R3HCC1L: variants seen among roughly 807,000 people sequenced by gnomAD.
R3HCC1L encodes the protein R3H domain and coiled-coil containing 1 like, also known as coiled-coil domain-containing protein R3HCC1L.
Under a neutral mutation model 59.9 loss-of-function variants are expected in R3HCC1L, and 51 were observed. The ratio of observed to expected loss-of-function variants is 0.85; its 90% confidence interval spans 0.68 to 1.07. R3HCC1L has a LOEUF of 1.07. Ranked by LOEUF, R3HCC1L falls within the 50% of genes least tolerant of loss-of-function variation. The pLI, the probability that R3HCC1L is intolerant of heterozygous loss-of-function variation, is 0.00. For synonymous variants in R3HCC1L, 322 were observed against 315.2 expected (o/e 1.02, Z -0.23); for missense variants, 965 against 933.0 (o/e 1.03, Z -0.45).
At chr10:98,225,781 T>G (rs931086325) in intron 5 of R3HCC1L, among the ~76,000 whole-genome samples, 2 of 152,198 alleles carry the variant, frequency 1.3e-5, no homozygotes, top group Non-Finnish European at 2.9e-5. Context: ...GCTGACTAGA[T>G]TAGAGCAAAG....
intron 1 of R3HCC1L, among the ~76,000 whole-genome samples, chr10:98,149,338 G>T (rs1448279794): frequency 6.6e-6 from 1 of 151,926 alleles, no homozygotes. Flanking sequence ...GTTTTCCGTA[G>T]TCTAAATTCT....
intron 2 of R3HCC1L, among the ~76,000 whole-genome samples, chr10:98,160,213 T>C (rs1847269309): frequency 6.6e-6 from 1 of 152,228 alleles, no homozygotes; most frequent in African/African-American, 2.4e-5. Context: ...TAGAATTCAA[T>C]GTTTGTTTAT....
chr10:98,236,221 G>A lies in R3HCC1L; in HGVS notation c.2269+57G>A, dbSNP rs532345469. ...CCCTTCAGAACTCACTGTAAGGCAT[G>A]TGTTTAAAAAAAAATGAATGAAGCC... On this transcript the variant is annotated intron_variant, in intron 9 of 9. Transcript: ENST00000298999. The A allele has an allele frequency of 3.0e-5, 47 of 1,575,908 alleles. No homozygotes were observed. In the South Asian group the frequency reaches 5.4e-4, roughly 18 times the overall value.
intron 4 of R3HCC1L, among the ~76,000 whole-genome samples, chr10:98,183,026 T>TCAC (rs1218271097): frequency 3.3e-5 from 5 of 152,118 alleles, no homozygotes; most frequent in African/African-American, 1.2e-4. Flanking sequence ...CTGCTTCAGC[T>TCAC]CACCCTCTGT....
chr10:98,243,995 G>A, intron 9 of R3HCC1L, 96 bp from the exon 10 acceptor site: 1 of 1,022,730 alleles, frequency 9.8e-7, no homozygotes, highest in Non-Finnish European at 1.5e-6. Context: ...ATATCCACTT[G>A]TCTCATGACT....
At chr10:98,228,216 C>G (rs1253783749) in intron 5 of R3HCC1L, among the ~76,000 whole-genome samples, 2 of 152,188 alleles carry the variant, frequency 1.3e-5, no homozygotes, top group African/African-American at 4.8e-5. Flanking sequence ...AAAAGTGTTC[C>G]TGTTTCTCCA....
At position 98,136,017 on chromosome 10, in the gene R3HCC1L, G is replaced by GTT. The variant is rs780749151; in HGVS notation, c.-268+1326_-268+1327dup. 1.9e-3 allele frequency among the ~76,000 whole-genome samples: 259 copies of GTT among 135,054 alleles called. 1 individual carries two copies. Among genetic ancestry groups the GTT allele is most frequent in the Middle Eastern group, 0.011 (3 of 264 alleles). The allele number at this position is 135,054 out of a possible 152,430, so 88.6% of individuals were successfully genotyped here. The stretch of plus-strand genomic sequence containing the variant: ...ACAGAGAATGCTAATTCTGCAATCA[G>GTT]TTTTTTTTTTTTTTTTGGGTAGAAT... On this transcript the variant is annotated intron_variant, in intron 1 of 9. Coordinates refer to ENST00000298999, the MANE Select transcript of R3HCC1L (RefSeq NM_001351015.2).
chr10:98,204,618 T>G (rs1306881747), intron 4 of R3HCC1L, among the ~76,000 whole-genome samples: 1 of 152,174 alleles, frequency 6.6e-6, no homozygotes, highest in East Asian at 1.9e-4. Flanking sequence ...TCTCCTCTTT[T>G]CCACGGTTTT....
In R3HCC1L at chr10:98,209,391, A is replaced by G. The variant is rs1853248935; in HGVS notation, c.1277A>G (p.His426Arg). The G allele has an allele frequency of 6.2e-7, 1 of 1,613,864 alleles. No homozygotes were observed. ...ATGAGTGCAGATGCAACCCCTCTTC[A>G]TGTAGCTAGAAGTGGGAATGACACT... The part of the protein sequence containing the change: ...VGMSADATPL[H>R]VARSGNDTED... The change falls in exon 5 of 10, where the codon CAT becomes CGT. Residue 426 changes from histidine (H) to arginine (R), a missense_variant. By Grantham distance (29) the His-to-Arg change is conservative. Coordinates refer to ENST00000298999, the MANE Select transcript of R3HCC1L (RefSeq NM_001351015.2).
chr10:98,192,600 G>A (rs1320070333), intron 4 of R3HCC1L, among the ~76,000 whole-genome samples: 1 of 152,072 alleles, frequency 6.6e-6, no homozygotes, highest in Admixed American at 6.6e-5. Flanking sequence ...TGAAGAAATA[G>A]AAAATCTGAG....
At position 98,140,783 on chromosome 10, in the gene R3HCC1L, G is replaced by A. The variant is rs148478139; in HGVS notation, c.-268+6077G>A. Among the ~76,000 whole-genome samples, 11 of 152,132 alleles carry A rather than the reference G, an allele frequency of 7.2e-5. No homozygotes were observed. In the East Asian group the frequency reaches 2.1e-3, roughly 29 times the overall value. ...ATACTAAGTTTATTTTGCATATTCA[G>A]CATGCAAATATCAAGTCAATTTATG... On this transcript the variant is annotated intron_variant, in intron 1 of 9. Coordinates refer to ENST00000298999, the MANE Select transcript of R3HCC1L (RefSeq NM_001351015.2).
intron 4 of R3HCC1L, among the ~76,000 whole-genome samples, chr10:98,179,045 A>G (rs1849348509): frequency 6.6e-6 from 1 of 152,064 alleles, no homozygotes; most frequent in Admixed American, 6.6e-5. Flanking sequence ...CTAATTGAAT[A>G]CCCTTTATTT....
At chr10:98,227,689 G>C (rs997176589) in intron 5 of R3HCC1L, among the ~76,000 whole-genome samples, 1 of 151,282 alleles carries the variant, frequency 6.6e-6, no homozygotes, top group African/African-American at 2.4e-5. Flanking sequence ...CCATTAACTC[G>C]TCATTTACAT....
chr10:98,181,636 G>T (rs779817260), intron 4 of R3HCC1L, among the ~76,000 whole-genome samples: 2 of 152,024 alleles, frequency 1.3e-5, no homozygotes, highest in Non-Finnish European at 2.9e-5. Context: ...CATTCTCCCC[G>T]TCACTTTCAG....
intron 9 of R3HCC1L, among the ~76,000 whole-genome samples, chr10:98,237,672 G>A (rs745462972): frequency 1.3e-5 from 2 of 152,154 alleles, no homozygotes; most frequent in Non-Finnish European, 2.9e-5. Flanking sequence ...ACTGTGATAA[G>A]TTTCTCCTAC....
chr10:98,168,816 G>A (rs1018344450), intron 4 of R3HCC1L, among the ~76,000 whole-genome samples: 2 of 152,164 alleles, frequency 1.3e-5, no homozygotes, highest in Admixed American at 6.5e-5. Context: ...CTTCTGCCAG[G>A]GTGAGAACTG....
At chr10:98,181,222 C>T (rs1849591450) in intron 4 of R3HCC1L, among the ~76,000 whole-genome samples, 2 of 152,118 alleles carry the variant, frequency 1.3e-5, no homozygotes, top group Admixed American at 1.3e-4. Context: ...GTAAGGCAGG[C>T]CTGGTGGTGA....
In R3HCC1L at chr10:98,162,240, A is replaced by T. The variant is rs71486147; in HGVS notation, c.-212-643A>T. ...ACATTAAAGTTATTTAAAATTTTTC[A>T]CTATTGTAAACAGTTCTGGAATAAG... is the stretch of plus-strand genomic sequence containing the variant. On this transcript the variant is annotated intron_variant, in intron 2 of 9. Coordinates refer to ENST00000298999, the MANE Select transcript of R3HCC1L (RefSeq NM_001351015.2). 7.7e-4 allele frequency among the ~76,000 whole-genome samples: 117 copies of T among 152,232 alleles called. 1 individual carries two copies. The highest frequency in any genetic ancestry group is 1.3e-3 in the Non-Finnish European group (86 of 68,014).
intron 5 of R3HCC1L, among the ~76,000 whole-genome samples, chr10:98,210,302 A>C (rs541900644): frequency 1.3e-5 from 2 of 152,290 alleles, no homozygotes; most frequent in South Asian, 4.1e-4. Flanking sequence ...AGTGTTAGAC[A>C]CTGTAGAGGG....
Sources: gnomAD v4.1 joint callset for allele counts (sites outside exome capture counted in the v4.1 genomes callset) on GRCh38, gnomAD v4.1.1 for gene constraint, MANE v1.5 for transcripts, NCBI Gene and HGNC (gene_info 2026-07-23, HGNC 2026-07-21) for gene names.